The following ENOX2 variants were observed in gnomAD, a reference collection of about 807,000 sequenced individuals.
ENOX2 encodes the protein APK1 antigen.
In ENOX2, 36 loss-of-function variants were observed where a neutral mutation model predicts 45.0. The observed-to-expected ratio is 0.80, with a 90% confidence interval of 0.61 to 1.06. The LOEUF is 1.06. ENOX2 is among the 50% of genes least tolerant of loss of function. The pLI is 0.00. For synonymous variants in ENOX2, 174 were observed against 152.3 expected, an observed-to-expected ratio of 1.14 and a Z score of -1.05; for missense variants, 423 against 462.5, an observed-to-expected ratio of 0.91 and a Z score of 0.78.
intron 14 of ENOX2, among the ~76,000 whole-genome samples, chrX:130,627,684 A>T (rs2035584302): frequency 8.9e-6 from 1 of 112,081 alleles, no homozygotes; most frequent in South Asian, 3.7e-4. Context: ...TGGAAAAAGG[A>T]TGGTCAACTT....
At chrX:130,816,760 A>T (rs1420666225) in intron 2 of ENOX2, among the ~76,000 whole-genome samples, 1 of 112,030 alleles carries the variant, frequency 8.9e-6, no homozygotes, top group Non-Finnish European at 1.9e-5. Flanking sequence ...GACACAGCTA[A>T]AGCAGTGTTT....
At chrX:130,893,074 C>A (rs2079008067) in intron 2 of ENOX2, among the ~76,000 whole-genome samples, 1 of 111,484 alleles carries the variant, frequency 9.0e-6, no homozygotes, top group East Asian at 2.8e-4. Flanking sequence ...TGTTTCAGAA[C>A]AAAATAATTA....
intron 2 of ENOX2, among the ~76,000 whole-genome samples, chrX:130,846,501 C>T (rs1569314464): frequency 9.0e-6 from 1 of 111,414 alleles, no homozygotes; most frequent in East Asian, 2.8e-4. Flanking sequence ...CCACGCCCGC[C>T]TAATTTTGTA....
intron 3 of ENOX2, among the ~76,000 whole-genome samples, chrX:130,765,761 A>C (rs1334160701): frequency 1.8e-5 from 2 of 111,913 alleles, no homozygotes; most frequent in Non-Finnish European, 1.9e-5. Flanking sequence ...TTTTGGGGTC[A>C]CAGGGTATAT....
chrX:130,883,577 A>G (rs2078856053), intron 2 of ENOX2, among the ~76,000 whole-genome samples: 1 of 112,108 alleles, frequency 8.9e-6, no homozygotes, highest in South Asian at 3.8e-4. Context: ...TAATAAGCAT[A>G]TTAAGTCCTT....
intron 2 of ENOX2, among the ~76,000 whole-genome samples, chrX:130,889,767 T>G (rs2078958339): frequency 8.9e-6 from 1 of 112,494 alleles, no homozygotes; most frequent in African/African-American, 3.2e-5. Flanking sequence ...GCCTTCCAAC[T>G]GCTTAGGGAA....
intron 6 of ENOX2, among the ~76,000 whole-genome samples, chrX:130,675,316 G>T (rs965888638): frequency 9.0e-6 from 1 of 111,529 alleles, no homozygotes; most frequent in Non-Finnish European, 1.9e-5. Flanking sequence ...CATTCTAACT[G>T]GTGTGAGATG....
chrX:130,631,544 G>C lies in ENOX2; in HGVS notation c.1452C>G (p.Asn484Lys). Residue 484 changes from asparagine to lysine, a missense_variant, in exon 13 of 15, where the codon AAC (asparagine) becomes AAG (lysine). By Grantham distance (94) the Asn-to-Lys change is moderately conservative. This residue lies in a region of ENOX2 where 108 missense variants were observed against 70.6 expected (regional missense o/e 1.53). Transcript: ENST00000394363. The stretch of plus-strand genomic sequence containing the variant: ...TCTCAAGAGGGTATTCGCTATCCTG[G>C]TTTGAGGCACACAGCCTAGAAGCAC... ...ESCASRLCAS[N>K]QDSEYPLEKT... is the part of the protein sequence containing the mutation. The C allele has an allele frequency of 8.3e-7, 1 of 1,201,282 alleles. No homozygotes were observed. The highest frequency in any genetic ancestry group is 1.1e-6 in the Non-Finnish European group (1 of 886,093).
intron 3 of ENOX2, among the ~76,000 whole-genome samples, chrX:130,755,986 C>T (rs1569497387): frequency 1.8e-5 from 2 of 111,251 alleles, no homozygotes; most frequent in Non-Finnish European, 3.8e-5. Flanking sequence ...TTATCAGGCT[C>T]CATGATGTAA....
In ENOX2 at chrX:130,715,725, T is replaced by C. The variant is rs2038313442; in HGVS notation, c.-38-12471A>G. Among the ~76,000 whole-genome samples, 4 of 111,649 alleles carry C rather than the reference T, an allele frequency of 3.6e-5. No homozygotes were observed. In the Admixed American group the frequency reaches 3.8e-4, roughly 11 times the overall value. Reference sequence around the variant, plus strand: ...TAACAGTGGTTAAGATCATAATCTTTGGATTAGATCTGAGTTCTAGTCCTG... The same window carrying C: ...TAACAGTGGTTAAGATCATAATCTTCGGATTAGATCTGAGTTCTAGTCCTG... On this transcript the variant is annotated intron_variant, in intron 3 of 14. Coordinates refer to ENST00000394363, the MANE Select transcript of ENOX2 (RefSeq NM_006375.4).
chrX:130,661,672 G>T (rs2036692667), intron 9 of ENOX2, among the ~76,000 whole-genome samples: 1 of 112,152 alleles, frequency 8.9e-6, no homozygotes, highest in Non-Finnish European at 1.9e-5. Context: ...ATACATAGTG[G>T]AAATACAAAT....
At chrX:130,826,534 T>C (rs2077723829) in intron 2 of ENOX2, among the ~76,000 whole-genome samples, 1 of 111,920 alleles carries the variant, frequency 8.9e-6, no homozygotes, top group Non-Finnish European at 1.9e-5. Context: ...TTCTCTACTT[T>C]CCTTGTGAAG....
At chrX:130,743,616 C>A (rs972709103) in intron 3 of ENOX2, among the ~76,000 whole-genome samples, 3 of 109,844 alleles carry the variant, frequency 2.7e-5, no homozygotes, top group African/African-American at 1.0e-4. Flanking sequence ...GGATTACAGG[C>A]ATCTGCCACC....
intron 3 of ENOX2, among the ~76,000 whole-genome samples, chrX:130,733,968 A>T (rs2038802282): frequency 8.9e-6 from 1 of 112,431 alleles, no homozygotes; most frequent in Non-Finnish European, 1.9e-5. Flanking sequence ...AATTTCAAAA[A>T]TTTAATTTTT....
intron 5 of ENOX2, among the ~76,000 whole-genome samples, chrX:130,684,769 G>A (rs1234038077): frequency 9.0e-6 from 1 of 111,704 alleles, no homozygotes; most frequent in African/African-American, 3.3e-5. Flanking sequence ...AATAACTCCA[G>A]TATGGGCAAC....
chrX:130,740,053 A>C (rs1032420263), intron 3 of ENOX2, among the ~76,000 whole-genome samples: 2 of 112,159 alleles, frequency 1.8e-5, no homozygotes, highest in East Asian at 5.6e-4. Flanking sequence ...AAGTGACCCT[A>C]TGCAAGTGTT....
intron 14 of ENOX2, among the ~76,000 whole-genome samples, chrX:130,626,229 A>C (rs933223787): frequency 8.9e-6 from 1 of 112,176 alleles, no homozygotes; most frequent in Non-Finnish European, 1.9e-5. Flanking sequence ...AGGCGGAGCT[A>C]GGCCTAGGCT....
At chrX:130,730,489 C>G (rs931292814) in intron 3 of ENOX2, among the ~76,000 whole-genome samples, 2 of 112,014 alleles carry the variant, frequency 1.8e-5, no homozygotes, top group African/African-American at 6.5e-5. Context: ...CTGGTACTGA[C>G]AGGAGGAGAA....
At chrX:130,789,029 T>C (rs1223447080) in intron 2 of ENOX2, among the ~76,000 whole-genome samples, 4 of 101,237 alleles carry the variant, frequency 4.0e-5, no homozygotes, top group East Asian at 6.1e-4. Context: ...ATAACACGTA[T>C]GAGGCTGCTT....
Sources: allele counts gnomAD v4.1 joint callset (sites outside exome capture counted in the v4.1 genomes callset), GRCh38; gene constraint gnomAD v4.1.1; regional missense constraint gnomAD v4.1.1; transcripts MANE v1.5; gene names NCBI Gene and HGNC (gene_info 2026-07-23, HGNC 2026-07-21).